The following NFILZ variants were observed in gnomAD, a reference collection of about 807,000 sequenced individuals.
NFILZ encodes NFIL3 like protein.
At position 8,650,081 on chromosome 19, in the gene NFILZ, C is replaced by T. The variant is rs528568134; in HGVS notation, c.-164+14335C>T. 3.0e-3 allele frequency among the ~76,000 whole-genome samples: 446 copies of T among 150,542 alleles called. 6 individuals carry two copies. Among genetic ancestry groups the T allele is most frequent in the Admixed American group, 4.0e-3 (60 of 15,110 alleles). Reference sequence around the variant, plus strand: ...AGTGAGCTGAGATCATGCCACTGCACTCCAGCCTGGCCAGCTGAGCAAGAC... The same window carrying T: ...AGTGAGCTGAGATCATGCCACTGCATTCCAGCCTGGCCAGCTGAGCAAGAC... On this transcript the variant is annotated intron_variant, in intron 3 of 5. Transcript: ENST00000691075.
chr19:8,665,951 G>C (rs2043060084), intron 3 of NFILZ, among the ~76,000 whole-genome samples: 1 of 152,302 alleles, frequency 6.6e-6, no homozygotes, highest in Non-Finnish European at 1.5e-5. Context: ...TAGAGCAAAA[G>C]AAAAGCTTGT....
intron 3 of NFILZ, among the ~76,000 whole-genome samples, chr19:8,656,326 G>GC (rs1568421534): frequency 1.9e-5 from 1 of 52,044 alleles, no homozygotes; most frequent in African/African-American, 5.1e-5. Flanking sequence ...CCTCCCTGAA[G>GC]CCCCCTTCTT....
chr19:8,668,296 G>A (rs973875387), intron 3 of NFILZ, among the ~76,000 whole-genome samples: 3 of 152,160 alleles, frequency 2.0e-5, no homozygotes, highest in Admixed American at 6.5e-5. Context: ...TTGTTGTCTT[G>A]TTATTTTTTT....
intron 3 of NFILZ, among the ~76,000 whole-genome samples, chr19:8,646,835 CG>C (rs2042941005): frequency 6.6e-6 from 1 of 152,116 alleles, no homozygotes; most frequent in Admixed American, 6.6e-5. Flanking sequence ...AGAGCAAATG[CG>C]TATCCTCAGA....
chr19:8,660,135 C>T (rs2918312), intron 3 of NFILZ, among the ~76,000 whole-genome samples: 17,229 of 152,088 alleles, frequency 0.11, 1,741 homozygotes, highest in East Asian at 0.31. Flanking sequence ...CAGGGTAGGC[C>T]CTGGGCTCCG....
chr19:8,675,283 C>G (rs1345013523), intron 4 of NFILZ, among the ~76,000 whole-genome samples: 1 of 152,120 alleles, frequency 6.6e-6, no homozygotes, highest in Non-Finnish European at 1.5e-5. Context: ...TGTGGTTTTT[C>G]TCTCCACCTG....
At chr19:8,640,842 G>A in intron 3 of NFILZ, among the ~76,000 whole-genome samples, 1 of 152,152 alleles carries the variant, frequency 6.6e-6, no homozygotes, top group East Asian at 1.9e-4. Flanking sequence ...ACCTCCTTGG[G>A]CAGGTCGTGC....
chr19:8,656,447 A>AGC (rs2043001178), intron 3 of NFILZ, among the ~76,000 whole-genome samples: 1 of 49,178 alleles, frequency 2.0e-5, no homozygotes, highest in African/African-American at 7.5e-5. Context: ...CTTCTCCTCG[A>AGC]AGCCCACCTT....
At chr19:8,663,236 G>A (rs1186549881) in intron 3 of NFILZ, among the ~76,000 whole-genome samples, 2 of 151,888 alleles carry the variant, frequency 1.3e-5, no homozygotes, top group African/African-American at 2.4e-5. Flanking sequence ...TGGGATTACA[G>A]GCATGATCCA....
chr19:8,658,664 TATTC>T (rs112446704), intron 3 of NFILZ, among the ~76,000 whole-genome samples: 118 of 151,092 alleles, frequency 7.8e-4, no homozygotes, highest in Middle Eastern at 6.9e-3. Context: ...GAGAGGATTC[TATTC>T]ATTCATTCAT....
Position 8,646,840 on chromosome 19 carries a change from C to T in NFILZ, c.-164+11094C>T, listed in dbSNP as rs1012454172. On this transcript the variant is annotated intron_variant, in intron 3 of 5. Transcript: ENST00000691075. ...TCCTAAACCAAGAGCAAATGCGTAT[C>T]CTCAGAGAAGTGACCCCTCACAGCC... is the stretch of plus-strand genomic sequence containing the variant. Among the ~76,000 whole-genome samples the T allele has an allele frequency of 1.3e-5, 2 of 152,272 alleles. 1 individual carries two copies. Among genetic ancestry groups the T allele is most frequent in the South Asian group, 4.1e-4 (2 of 4,826 alleles).
chr19:8,646,874 G>A (rs1282058744), intron 3 of NFILZ, among the ~76,000 whole-genome samples: 1 of 152,130 alleles, frequency 6.6e-6, no homozygotes, highest in African/African-American at 2.4e-5. Context: ...CCTTCCTCCT[G>A]ACCCGGATCT....
chr19:8,659,532 T>C (rs2043020211), intron 3 of NFILZ, among the ~76,000 whole-genome samples: 1 of 152,000 alleles, frequency 6.6e-6, no homozygotes, highest in Non-Finnish European at 1.5e-5. Context: ...CAGGATACGC[T>C]CCATCTGGAT....
At chr19:8,663,740 G>GTGTATGTGTGTGTA (rs2043046009) in intron 3 of NFILZ, among the ~76,000 whole-genome samples, 1 of 131,646 alleles carries the variant, frequency 7.6e-6, no homozygotes, top group African/African-American at 2.9e-5. Flanking sequence ...GTGTGTGTGT[G>GTGTATGTGTGTGTA]TGTGTGTGTG....
At position 8,677,340 on chromosome 19, in the gene NFILZ, C is replaced by A. The variant is rs782559633; in HGVS notation, c.575C>A (p.Pro192His). Residue 192 changes from proline to histidine, a missense_variant, in exon 6 of 6, where the codon CCT (proline) becomes CAT (histidine). Transcript: ENST00000691075. Reference protein sequence around the residue: ...IDMALQTALPPALFSCHLLEG... With the variant: ...IDMALQTALPHALFSCHLLEG... ...ATGGCCTTGCAGACTGCCCTCCCAC[C>A]TGCCCTCTTCAGCTGTCACCTCTTG... Among the ~76,000 whole-genome samples, 3 of 152,240 alleles carry A rather than the reference C, an allele frequency of 2.0e-5. No homozygotes were observed. Among genetic ancestry groups the A allele is most frequent in the Non-Finnish European group, 4.4e-5 (3 of 68,036 alleles).
At chr19:8,653,039 T>TCTTTCTTTCTTTCTTTCTCTCTCC (rs2042975490) in intron 3 of NFILZ, among the ~76,000 whole-genome samples, 2 of 77,456 alleles carry the variant, frequency 2.6e-5, no homozygotes, top group African/African-American at 5.7e-5. Flanking sequence ...TTTCTTTCTT[T>TCTTTCTTTCTTTCTTTCTCTCTCC]CTCTCTCTCT....
chr19:8,654,106 C>T (rs1403504468), intron 3 of NFILZ, among the ~76,000 whole-genome samples: 1 of 152,026 alleles, frequency 6.6e-6, no homozygotes, highest in African/African-American at 2.4e-5. Context: ...GTGGCAGGTG[C>T]CTGTAGTCCC....
intron 3 of NFILZ, among the ~76,000 whole-genome samples, chr19:8,651,197 T>A (rs777725247): frequency 7.2e-5 from 11 of 152,310 alleles, no homozygotes; most frequent in African/African-American, 2.4e-4. Flanking sequence ...AATCTTGCTC[T>A]GTTGCCCAGG....
chr19:8,647,584 C>CA, intron 3 of NFILZ, among the ~76,000 whole-genome samples: 1 of 148,570 alleles, frequency 6.7e-6, no homozygotes, highest in East Asian at 2.4e-4. Context: ...GCACCCCCCC[C>CA]CCCAAAAAAA....
Sources: allele counts gnomAD v4.1 joint callset (sites outside exome capture counted in the v4.1 genomes callset), GRCh38; gene constraint gnomAD v4.1.1; transcripts MANE v1.5; gene names NCBI Gene and HGNC (gene_info 2026-07-23, HGNC 2026-07-21).